Variants in CHST10 observed in about 807,000 individuals in gnomAD.
CHST10 encodes the protein HNK-1 sulfotransferase.
A neutral mutation model predicts 34.7 loss-of-function variants in CHST10; 24 were observed. The observed-to-expected ratio is 0.69, with a 90% CI of 0.50 to 0.97. The LOEUF (loss-of-function observed/expected upper bound fraction) is 0.97, where lower values mean the gene tolerates loss of function less well. CHST10 is among the 50% of genes least tolerant of loss of function. CHST10 has a pLI of 0.00. For synonymous variants in CHST10, 161 were observed against 169.3 expected (o/e 0.95, Z 0.38); for missense variants, 402 against 452.1 (o/e 0.89, Z 1.00).
rs760621499 is a variant in CHST10 at position 100,395,534 on chromosome 2, AG to A, written c.507del (p.Phe170SerfsTer10). Reference protein sequence around the residue: ...HEKNGLPRLSSFSDAEIQKRL... With the variant: ...HEKNGLPRLSXFSDAEIQKRL... Reference sequence around the variant, plus strand: ...CGCTTCTGAATTTCTGCATCACTGAAGGAAGAGAGCCGAGGAAGGCCGTTCT... The same window carrying A: ...CGCTTCTGAATTTCTGCATCACTGAAGAAGAGAGCCGAGGAAGGCCGTTCT... On this transcript the variant is annotated frameshift_variant, in exon 6 of 7. Transcript: ENST00000264249. LOFTEE classifies it high-confidence loss of function. The A allele has an allele frequency of 6.2e-7, 1 of 1,613,862 alleles. No individual in the cohort carries two copies. Among genetic ancestry groups the A allele is most frequent in the Non-Finnish European group, 8.5e-7 (1 of 1,179,782 alleles).
chr2:100,416,895 G>A, intron 1 of CHST10: 1 of 1,156,454 alleles, frequency 8.6e-7, no homozygotes, highest in Non-Finnish European at 1.2e-6. Flanking sequence ...TCCAACTTCG[G>A]ACAGGCCTCC....
chr2:100,397,215 G>A (rs1204839459), intron 5 of CHST10, among the ~76,000 whole-genome samples: 1 of 152,156 alleles, frequency 6.6e-6, no homozygotes, highest in African/African-American at 2.4e-5. Flanking sequence ...TATTAGGATC[G>A]GTTCAGACTA....
intron 4 of CHST10, 104 bp downstream of exon 4, chr2:100,402,460 C>A: frequency 1.2e-6 from 1 of 844,842 alleles, no homozygotes. Context: ...AAGGCTCTAA[C>A]GCAGACGTGA....
intron 4 of CHST10, among the ~76,000 whole-genome samples, chr2:100,399,992 C>T (rs112245086): frequency 2.0e-5 from 3 of 152,144 alleles, no homozygotes; most frequent in African/African-American, 7.2e-5. Flanking sequence ...TCTCGTTTAA[C>T]CTCATTTCCT....
Position 100,393,409 on chromosome 2 carries a change from C to A in CHST10, c.907G>T (p.Val303Leu), listed in dbSNP as rs1346876488. The A allele has an allele frequency of 6.2e-7, 1 of 1,614,020 alleles. No homozygotes were observed. The highest frequency in any genetic ancestry group is 8.5e-7 in the Non-Finnish European group (1 of 1,180,040). ...CCCGGAGGGATAGTCGGGTATGACA[C>A]CAGGTGGTCAATGCCAGCCTCTTTT... The part of the protein sequence containing the change: ...ILKEAGIDHL[V>L]SYPTIPPGIT... Residue 303 changes from valine to leucine, a missense_variant, in exon 7 of 7, where the codon GTG becomes TTG. Val to Leu is a conservative substitution (Grantham distance 32). Transcript: ENST00000264249.
intron 2 of CHST10, among the ~76,000 whole-genome samples, chr2:100,413,379 G>C (rs1675930506): frequency 6.6e-6 from 1 of 152,104 alleles, no homozygotes; most frequent in African/African-American, 2.4e-5. Flanking sequence ...CCTACTTCCA[G>C]TCATTAAATG....
At chr2:100,412,345 G>T (rs1675880812) in intron 2 of CHST10, among the ~76,000 whole-genome samples, 2 of 152,184 alleles carry the variant, frequency 1.3e-5, no homozygotes, top group African/African-American at 4.8e-5. Context: ...AGAGTGGTGT[G>T]CCCAGCTAAG....
intron 4 of CHST10, among the ~76,000 whole-genome samples, chr2:100,400,107 C>A (rs967457923): frequency 1.3e-5 from 2 of 152,200 alleles, no homozygotes; most frequent in Non-Finnish European, 2.9e-5. Context: ...TCAAGAACAG[C>A]GCATCAGGAG....
intron 2 of CHST10, among the ~76,000 whole-genome samples, chr2:100,407,349 G>A (rs1675623436): frequency 6.6e-6 from 1 of 152,196 alleles, no homozygotes; most frequent in Admixed American, 6.5e-5. Flanking sequence ...TCCTCAGCCT[G>A]GCACAGAAGC....
intron 5 of CHST10, 53 bp from the exon 6 acceptor site, chr2:100,395,667 G>T: frequency 2.8e-6 from 4 of 1,418,596 alleles, no homozygotes; most frequent in Non-Finnish European, 4.0e-6. Flanking sequence ...ACGCCCCTTA[G>T]AGAAGGGCAT....
chr2:100,395,478 C>G, intron 6 of CHST10, 31 bp downstream of exon 6: 1 of 1,582,290 alleles, frequency 6.3e-7, no homozygotes, highest in Non-Finnish European at 8.7e-7. Flanking sequence ...TACAAAAACT[C>G]CCCCCTCCCC....
chr2:100,393,410 C>T lies in CHST10; in HGVS notation c.906G>A (p.Leu302=). The change falls in exon 7 of 7, where the codon CTG becomes CTA. Residue 302 remains leucine, a synonymous_variant. Transcript: ENST00000264249. ...YILKEAGIDH[L]VSYPTIPPGI... ...CCGGAGGGATAGTCGGGTATGACACCAGGTGGTCAATGCCAGCCTCTTTTA... is the reference window on the plus strand; with the variant it reads ...CCGGAGGGATAGTCGGGTATGACACTAGGTGGTCAATGCCAGCCTCTTTTA... 6.2e-7 allele frequency: 1 copy of T among 1,614,142 alleles called. No homozygotes were observed. Among genetic ancestry groups the T allele is most frequent in the Middle Eastern group, 1.6e-4 (1 of 6,062 alleles).
chr2:100,416,864 G>T, intron 1 of CHST10: 1 of 797,212 alleles, frequency 1.3e-6, no homozygotes, highest in Non-Finnish European at 1.9e-6. Flanking sequence ...AGCCAGAAGT[G>T]CAGAACTGCA....
intron 2 of CHST10, 69 bp from the exon 3 acceptor site, chr2:100,406,776 G>A (rs989285554): frequency 5.7e-6 from 9 of 1,567,694 alleles, no homozygotes; most frequent in Admixed American, 3.6e-5. Flanking sequence ...GAATGAAAAC[G>A]ACAGGTGATT....
At chr2:100,409,706 C>T (rs1258804934) in intron 2 of CHST10, among the ~76,000 whole-genome samples, 1 of 152,142 alleles carries the variant, frequency 6.6e-6, no homozygotes, top group Non-Finnish European at 1.5e-5. Context: ...ATTTTTCATC[C>T]ACAGGAACAA....
At position 100,415,097 on chromosome 2, in the gene CHST10, T is replaced by A; in HGVS notation, c.-89A>T. On this transcript the variant is annotated 5_prime_UTR_variant, in exon 2 of 7. Coordinates refer to ENST00000264249, the MANE Select transcript of CHST10 (RefSeq NM_004854.5). ...TGTGTTTCCCCTGAACTGAGGTTCT[T>A]GGTTCCTCTTGTCACTGGATAGGAA... 1 of 1,301,736 alleles carries A rather than the reference T, an allele frequency of 7.7e-7. No homozygotes were observed. Among genetic ancestry groups the A allele is most frequent in the Non-Finnish European group, 1.0e-6 (1 of 987,878 alleles). 80.6% of individuals were successfully genotyped at this position (1,301,736 alleles called of 1,614,324 possible).
intron 2 of CHST10, among the ~76,000 whole-genome samples, chr2:100,413,969 A>C (rs1004355642): frequency 6.6e-6 from 1 of 152,206 alleles, no homozygotes; most frequent in African/African-American, 2.4e-5. Flanking sequence ...CTGGGGATAT[A>C]GCAACACACA....
rs1001050979 is a variant in CHST10 at position 100,393,561 on chromosome 2, A to G, written c.755T>C (p.Leu252Pro). 6.2e-7 allele frequency: 1 copy of G among 1,614,040 alleles called. No individual in the cohort carries two copies. The highest frequency in any genetic ancestry group is 1.3e-5 in the African/African-American group (1 of 74,914). The change falls in exon 7 of 7, where the codon CTA becomes CCA. Residue 252 changes from leucine (L) to proline (P), a missense_variant. Physicochemically the swap from Leu to Pro is moderately conservative, Grantham distance 98 (BLOSUM62 -3). Transcript: ENST00000264249. ...GATGTGGTCCCCAAACTGAAGGTCT[A>G]GCCATCTGTGGTTCGGATCGCCGAG... The part of the protein sequence containing the change: ...RYLGDPNHRW[L>P]DLQFGDHIIH...
intron 6 of CHST10, among the ~76,000 whole-genome samples, chr2:100,394,425 T>C (rs1478840335): frequency 6.6e-6 from 1 of 152,150 alleles, no homozygotes; most frequent in African/African-American, 2.4e-5. Context: ...GAAACTGCTC[T>C]CTGTGCTTTG....
Sources: allele counts gnomAD v4.1 joint callset (sites outside exome capture counted in the v4.1 genomes callset), GRCh38; gene constraint gnomAD v4.1.1; transcripts MANE v1.5; gene names NCBI Gene and HGNC (gene_info 2026-07-23, HGNC 2026-07-21).